The following PRELID2 variants were observed in gnomAD, a reference collection of about 807,000 sequenced individuals.
PRELID2 encodes the protein PRELI domain-containing protein 2.
A neutral mutation model predicts 28.4 loss-of-function variants in PRELID2; 25 were observed. The observed-to-expected ratio is 0.88, with a 90% CI of 0.64 to 1.23. PRELID2 has a LOEUF of 1.23. Ranked by LOEUF, PRELID2 falls within the 50% of genes most tolerant of loss-of-function variation. The pLI, the probability that PRELID2 is intolerant of heterozygous loss-of-function variation, is 0.00. For missense variants in PRELID2, 201 were observed against 214.4 expected, an observed-to-expected ratio of 0.94 and a Z score of 0.39; for synonymous variants, 76 against 71.6, an observed-to-expected ratio of 1.06 and a Z score of -0.31.
At chr5:145,297,297 G>T in the PRELID2 span, among the ~76,000 whole-genome samples, 1 of 151,974 alleles carries the variant, frequency 6.6e-6, no homozygotes, top group Admixed American at 6.6e-5. Context: ...TAATGCCTAG[G>T]TTTTCTTCTA....
At chr5:145,691,055 T>C (rs146712765) in intron 1 of PRELID2, among the ~76,000 whole-genome samples, 6 of 152,184 alleles carry the variant, frequency 3.9e-5, no homozygotes, top group Admixed American at 1.3e-4. Flanking sequence ...ATGGTGTAAA[T>C]TGTGACACCT....
At chr5:145,725,420 T>C (rs1356009426) in intron 1 of PRELID2, among the ~76,000 whole-genome samples, 4 of 152,202 alleles carry the variant, frequency 2.6e-5, no homozygotes, top group African/African-American at 4.8e-5. Context: ...GTATAGCCAT[T>C]CCAGATAACA....
chr5:145,462,980 T>C, the PRELID2 span, among the ~76,000 whole-genome samples: 2 of 152,118 alleles, frequency 1.3e-5, no homozygotes, highest in African/African-American at 4.8e-5. Context: ...TGCCAAACCC[T>C]TGAGTGATAT....
chr5:145,792,890 A>C (rs1428398752), intron 5 of PRELID2, among the ~76,000 whole-genome samples: 1 of 152,234 alleles, frequency 6.6e-6, no homozygotes, highest in East Asian at 1.9e-4. Context: ...GTGGGAACAC[A>C]TTAAAATCCC....
the PRELID2 span, among the ~76,000 whole-genome samples, chr5:145,332,080 G>A: frequency 6.6e-6 from 1 of 152,316 alleles, no homozygotes; most frequent in African/African-American, 2.4e-5. Flanking sequence ...TTTGAAGAAT[G>A]TTGAATATTG....
chr5:145,463,077 A>G, the PRELID2 span, among the ~76,000 whole-genome samples: 1 of 152,164 alleles, frequency 6.6e-6, no homozygotes, highest in Non-Finnish European at 1.5e-5. Context: ...ATGAAACTGA[A>G]CATAAAATGA....
chr5:145,710,015 G>A (rs576190144), intron 1 of PRELID2, among the ~76,000 whole-genome samples: 106 of 152,052 alleles, frequency 7.0e-4, no homozygotes, highest in African/African-American at 2.4e-3. Context: ...TGCTTTTTTG[G>A]GGAAAGGGTC....
chr5:145,229,505 G>GGGGTCCCCGT, the PRELID2 span: 1 of 1,205,996 alleles, frequency 8.3e-7, no homozygotes, highest in African/African-American at 1.5e-5. Flanking sequence ...ATTCAAAAAA[G>GGGGTCCCCGT]GAGTCCCCGT....
At chr5:145,570,348 C>T (rs1214207830) in intron 1 of PRELID2, among the ~76,000 whole-genome samples, 2 of 152,164 alleles carry the variant, frequency 1.3e-5, no homozygotes, top group East Asian at 3.9e-4. Flanking sequence ...TTCACATGAA[C>T]ATACTCCTAT....
At chr5:145,766,131 A>G (rs959563629) in intron 5 of PRELID2, among the ~76,000 whole-genome samples, 1 of 151,924 alleles carries the variant, frequency 6.6e-6, no homozygotes, top group Non-Finnish European at 1.5e-5. Flanking sequence ...GTGGGAAGAC[A>G]GGGTTATGAT....
At chr5:145,575,294 T>C (rs1753051310) in intron 1 of PRELID2, among the ~76,000 whole-genome samples, 2 of 152,180 alleles carry the variant, frequency 1.3e-5, no homozygotes, top group African/African-American at 4.8e-5. Flanking sequence ...TAACCTGACA[T>C]CTACAGGAAG....
At chr5:145,832,115 T>C (rs1277769103) in intron 1 of PRELID2, among the ~76,000 whole-genome samples, 1 of 152,238 alleles carries the variant, frequency 6.6e-6, no homozygotes, top group Non-Finnish European at 1.5e-5. Flanking sequence ...TCCACTTAGC[T>C]GAGCAAACCC....
At chr5:145,443,635 G>A in the PRELID2 span, among the ~76,000 whole-genome samples, 24 of 152,198 alleles carry the variant, frequency 1.6e-4, no homozygotes, top group African/African-American at 5.1e-4. Context: ...CTATAATGTA[G>A]AGCACAGTTC....
intron 1 of PRELID2, among the ~76,000 whole-genome samples, chr5:145,562,449 A>T (rs891944485): frequency 6.6e-6 from 1 of 152,170 alleles, no homozygotes; most frequent in Non-Finnish European, 1.5e-5. Flanking sequence ...CATCTAGATG[A>T]TCTATTATGG....
intron 4 of PRELID2, among the ~76,000 whole-genome samples, chr5:145,817,206 A>ATATATATATATATATAT (rs1423577359): frequency 3.3e-4 from 21 of 62,818 alleles, no homozygotes; most frequent in Admixed American, 8.0e-4. Flanking sequence ...AAAATAAATA[A>ATATATATATATATATAT]ATAAATAAAA....
chr5:145,808,715 C>A (rs767058794), intron 4 of PRELID2, among the ~76,000 whole-genome samples: 57 of 151,686 alleles, frequency 3.8e-4, no homozygotes, highest in Non-Finnish European at 6.2e-4. Context: ...GACACCCTGT[C>A]TCTACAAAAA....
chr5:145,647,979 A>G (rs1477037294), intron 1 of PRELID2, among the ~76,000 whole-genome samples: 2 of 152,158 alleles, frequency 1.3e-5, no homozygotes, highest in Non-Finnish European at 2.9e-5. Context: ...AGCTGTTCCT[A>G]TTTGGCCATC....
the PRELID2 span, among the ~76,000 whole-genome samples, chr5:145,303,995 C>T: frequency 6.6e-6 from 1 of 152,036 alleles, no homozygotes; most frequent in Non-Finnish European, 1.5e-5. Flanking sequence ...TTATTTTTGC[C>T]TTCTTAATCT....
At chr5:145,463,335 A>C in the PRELID2 span, among the ~76,000 whole-genome samples, 2 of 113,930 alleles carry the variant, frequency 1.8e-5, no homozygotes, top group Non-Finnish European at 3.6e-5. Flanking sequence ...AAAGCATCCT[A>C]TTTGAAGTTT....
Sources: gnomAD v4.1 joint callset for allele counts (sites outside exome capture counted in the v4.1 genomes callset) on GRCh38, gnomAD v4.1.1 for gene constraint, MANE v1.5 for transcripts, NCBI Gene and HGNC (gene_info 2026-07-23, HGNC 2026-07-21) for gene names.